The following PDIA4 variants were observed in gnomAD, a reference collection of about 807,000 sequenced individuals.
PDIA4 encodes protein disulfide-isomerase A4.
In PDIA4, 33 loss-of-function variants were observed where a neutral mutation model predicts 62.1. The ratio of observed to expected loss-of-function variants is 0.53; its 90% CI spans 0.40 to 0.71. The LOEUF is 0.71. Among genes scored for constraint, PDIA4 ranks in the 30% least tolerant of loss-of-function variants. The pLI is 0.00. For synonymous variants in PDIA4, 341 were observed against 324.1 expected, an observed-to-expected ratio of 1.05 and a Z score of -0.56; for missense variants, 804 against 813.6, an observed-to-expected ratio of 0.99 and a Z score of 0.14.
intron 9 of PDIA4, 133 bp downstream of exon 9, chr7:149,005,008 G>A (rs1482387486): frequency 1.4e-6 from 1 of 716,642 alleles, no homozygotes; most frequent in Non-Finnish European, 2.5e-6. Context: ...CCTCGGGGGT[G>A]AGAGAGGACT....
At chr7:149,007,357 G>A (rs1823797530) in intron 7 of PDIA4, among the ~76,000 whole-genome samples, 2 of 152,186 alleles carry the variant, frequency 1.3e-5, no homozygotes, top group South Asian at 4.1e-4. Context: ...AACAGCCAGG[G>A]TCCTGACACT....
intron 6 of PDIA4, among the ~76,000 whole-genome samples, chr7:149,010,442 C>T (rs139982535): frequency 7.0e-4 from 106 of 150,800 alleles, no homozygotes; most frequent in Non-Finnish European, 1.3e-3. Flanking sequence ...TGCAGTGAGT[C>T]GAGATCACAC....
chr7:149,016,076 T>C (rs1043425982), intron 3 of PDIA4, among the ~76,000 whole-genome samples: 1 of 152,092 alleles, frequency 6.6e-6, no homozygotes, highest in Non-Finnish European at 1.5e-5. Context: ...GGGTGGATCA[T>C]GGGTGGTCAG....
Position 149,004,027 on chromosome 7 carries a change from C to T in PDIA4, c.1705G>A (p.Ala569Thr). 1 of 1,614,182 alleles carries T rather than the reference C, an allele frequency of 6.2e-7. No homozygotes were observed. Among genetic ancestry groups the T allele is most frequent in the Middle Eastern group, 1.6e-4 (1 of 6,062 alleles). The change falls in exon 10 of 10, where the codon GCC becomes ACC. Residue 569 changes from alanine (A) to threonine (T), a missense_variant. Ala to Thr is a moderately conservative substitution (Grantham distance 58). Coordinates refer to ENST00000652332, the MANE Select transcript of PDIA4 (RefSeq NM_004911.5). ...CCCTTTTGGCCCTTGTACTTCTTGG[C>T]CAGGCTGTTGTACACGGGCTCTAGC... Reference protein sequence around the residue: ...KQLEPVYNSLAKKYKGQKGLV... With the variant: ...KQLEPVYNSLTKKYKGQKGLV...
At position 149,027,951 on chromosome 7, in the gene PDIA4, C is replaced by G. The variant is rs527696668; in HGVS notation, c.88+370G>C. ...GGCTCTCCCTCTCCCTTCCCACTGC[C>G]TGGGCGCGTTCGCCTGGAGTTAGCC... is the stretch of plus-strand genomic sequence containing the variant. On this transcript the variant is annotated intron_variant, in intron 1 of 9. Transcript: ENST00000652332. 1.1e-3 allele frequency: 532 copies of G among 503,982 alleles called. 2 individuals carry two copies. Among genetic ancestry groups the G allele is most frequent in the African/African-American group, 8.5e-3 (435 of 51,460 alleles). The allele number at this position is 503,982 out of a possible 1,614,324, so 31.2% of individuals were successfully genotyped here. A position where few individuals can be genotyped will look rare whatever the true frequency, so the allele number is the denominator to read the frequency against.
At chr7:149,020,867 A>G (rs1036485947) in intron 2 of PDIA4, 100 bp downstream of exon 2, 55 of 1,481,266 alleles carry the variant, frequency 3.7e-5, no homozygotes, top group South Asian at 1.8e-4. Context: ...GCACCCAGAC[A>G]CTCCTACCCC....
In PDIA4 at chr7:149,012,023, C is replaced by A; in HGVS notation, c.821-19G>T. The stretch of plus-strand genomic sequence containing the variant: ...ACGATTCCTGGGAGCAGGGCACACG[C>A]CTGAGCAGGGGCACTAAGAACTGCC... On this transcript the variant is annotated intron_variant, in intron 5 of 9. Coordinates refer to ENST00000652332, the MANE Select transcript of PDIA4 (RefSeq NM_004911.5). The A allele has an allele frequency of 2.5e-6, 4 of 1,594,616 alleles. No homozygotes were observed. The highest frequency in any genetic ancestry group is 1.7e-5 in the Admixed American group (1 of 58,614).
chr7:149,013,306 C>G (rs909981963), intron 4 of PDIA4, among the ~76,000 whole-genome samples: 9 of 152,174 alleles, frequency 5.9e-5, no homozygotes, highest in African/African-American at 2.2e-4. Flanking sequence ...GCTCTCAGTC[C>G]TGAGTTAAGA....
At chr7:149,014,042 C>G (rs1824042828) in intron 4 of PDIA4, among the ~76,000 whole-genome samples, 1 of 152,198 alleles carries the variant, frequency 6.6e-6, no homozygotes. Flanking sequence ...TCCTTCTCTC[C>G]CAGATCATTT....
At position 149,008,302 on chromosome 7, in the gene PDIA4, G is replaced by A. The variant is rs1419370983; in HGVS notation, c.988C>T (p.Leu330=). The A allele has an allele frequency of 1.9e-6, 3 of 1,611,736 alleles. No homozygotes were observed. The highest frequency in any genetic ancestry group is 2.7e-5 in the African/African-American group (2 of 74,912). ...YQQYQDAANN[L]REDYKFHHTF... is the part of the protein sequence containing the mutation. ...TGGTGAAATTTGTAATCTTCTCTCA[G>A]GTTGTTAGCTGAAACGTTAACAGAA... Residue 330 remains leucine, a synonymous_variant, in exon 7 of 10, where the codon CTG becomes TTG. Transcript: ENST00000652332.
chr7:149,008,370 T>C, intron 6 of PDIA4, 60 bp from the exon 7 acceptor site: 1 of 1,527,552 alleles, frequency 6.5e-7, no homozygotes, highest in Non-Finnish European at 9.0e-7. Context: ...TGAGATTTAA[T>C]TCGTTACCCA....
chr7:149,005,440 G>A, intron 8 of PDIA4, 66 bp from the exon 9 acceptor site: 1 of 1,031,046 alleles, frequency 9.7e-7, no homozygotes, highest in East Asian at 2.4e-5. Context: ...AGACTCTGAG[G>A]TCAGGCTTCA....
At chr7:149,007,850 G>A (rs1229796612) in intron 7 of PDIA4, among the ~76,000 whole-genome samples, 3 of 152,256 alleles carry the variant, frequency 2.0e-5, no homozygotes, top group East Asian at 1.9e-4. Flanking sequence ...GGCACTGGAG[G>A]GAGACTGGTG....
At chr7:149,025,085 A>AAATATATATATATATAT (rs1554446854) in intron 1 of PDIA4, among the ~76,000 whole-genome samples, 2 of 22,324 alleles carry the variant, frequency 9.0e-5, no homozygotes, top group African/African-American at 1.2e-4. Context: ...AAAAAAAAAA[A>AAATATATATATATATAT]ATATATATAT....
chr7:149,024,463 T>C (rs1056442631), intron 1 of PDIA4, among the ~76,000 whole-genome samples: 1 of 151,914 alleles, frequency 6.6e-6, no homozygotes, highest in Non-Finnish European at 1.5e-5. Flanking sequence ...CACATTTTAG[T>C]GGGGGAACAC....
intron 1 of PDIA4, among the ~76,000 whole-genome samples, chr7:149,021,911 T>C (rs945224790): frequency 1.3e-5 from 2 of 152,124 alleles, no homozygotes; most frequent in Non-Finnish European, 1.5e-5. Flanking sequence ...CACTCTGCAT[T>C]TCAGGGCACC....
rs1824080880 is a variant in PDIA4 at position 149,015,036 on chromosome 7, A to G, written c.482T>C (p.Val161Ala). Residue 161 changes from valine (V) to alanine (A), a missense_variant, in exon 4 of 10, where the codon GTT (valine) becomes GCT (alanine). Coordinates refer to ENST00000652332, the MANE Select transcript of PDIA4 (RefSeq NM_004911.5). The stretch of plus-strand genomic sequence containing the variant: ...CTGGGAGACTTCTCTGACCTTGGCA[A>G]CAATTTCTGAAAGAAACCAAGCAAG... ...YEGSRTQEEI[V>A]AKVREVSQPD... The G allele has an allele frequency of 6.2e-7, 1 of 1,614,222 alleles. No homozygotes were observed.
At chr7:149,013,449 G>T (rs1824021596) in intron 4 of PDIA4, among the ~76,000 whole-genome samples, 1 of 152,170 alleles carries the variant, frequency 6.6e-6, no homozygotes, top group African/African-American at 2.4e-5. Flanking sequence ...AGCTGAGGCG[G>T]GAGGGTCGCT....
chr7:149,025,085 A>AAATATATATATATATATATAT (rs1554446854), intron 1 of PDIA4, among the ~76,000 whole-genome samples: 7 of 22,332 alleles, frequency 3.1e-4, no homozygotes, highest in Admixed American at 9.2e-4. Context: ...AAAAAAAAAA[A>AAATATATATATATATATATAT]ATATATATAT....
Sources: gnomAD v4.1 joint callset for allele counts (sites outside exome capture counted in the v4.1 genomes callset) on GRCh38, gnomAD v4.1.1 for gene constraint, MANE v1.5 for transcripts, NCBI Gene and HGNC (gene_info 2026-07-23, HGNC 2026-07-21) for gene names.